The following PAH variants were observed in gnomAD, a reference collection of about 807,000 sequenced individuals.
PAH encodes phenylalanine-4-hydroxylase.
A neutral mutation model predicts 62.0 loss-of-function variants in PAH; 64 were observed. The observed-to-expected ratio is 1.03, with a 90% confidence interval of 0.84 to 1.27. PAH has a LOEUF of 1.27. PAH is among the 50% of genes most tolerant of loss of function. The pLI, the probability that PAH is intolerant of heterozygous loss-of-function variation, is 0.00. For missense variants in PAH, 579 were observed against 542.8 expected (o/e 1.07, Z -0.66); for synonymous variants, 195 against 196.2 (o/e 0.99, Z 0.05).
chr12:102,862,319 T>A (rs1388163749), intron 5 of PAH, among the ~76,000 whole-genome samples: 1 of 152,178 alleles, frequency 6.6e-6, no homozygotes, highest in Non-Finnish European at 1.5e-5. Context: ...AGACCACATG[T>A]TCTCACTTGT....
chr12:102,951,201 G>T (rs993993854), upstream of PAH, among the ~76,000 whole-genome samples: 4 of 152,308 alleles, frequency 2.6e-5, no homozygotes, highest in Middle Eastern at 3.4e-3. Context: ...CCGTCACGGG[G>T]CGGATTGCAA....
chr12:102,887,429 G>T (rs1877087827), intron 3 of PAH, among the ~76,000 whole-genome samples: 1 of 152,092 alleles, frequency 6.6e-6, no homozygotes, highest in Non-Finnish European at 1.5e-5. Context: ...CTCCGTGGCT[G>T]CTAGGTAAGC....
At chr12:102,923,386 G>A (rs1205993216) in intron 1 of PAH, among the ~76,000 whole-genome samples, 1 of 152,190 alleles carries the variant, frequency 6.6e-6, no homozygotes, top group Non-Finnish European at 1.5e-5. Context: ...ACATTGCACA[G>A]TTTGGTGAAA....
chr12:102,876,660 G>A (rs987306208), intron 4 of PAH, among the ~76,000 whole-genome samples: 6 of 152,164 alleles, frequency 3.9e-5, no homozygotes, highest in East Asian at 1.9e-4. Context: ...GCAACAGGAC[G>A]GTGGCCCTTC....
chr12:102,892,900 A>C (rs1877334642), intron 3 of PAH, among the ~76,000 whole-genome samples: 1 of 152,250 alleles, frequency 6.6e-6, no homozygotes, highest in East Asian at 1.9e-4. Flanking sequence ...AAAACCAATA[A>C]AACTGTAAAA....
intron 4 of PAH, among the ~76,000 whole-genome samples, chr12:102,872,042 A>C (rs980862734): frequency 4.0e-5 from 6 of 150,068 alleles, no homozygotes; most frequent in Non-Finnish European, 8.9e-5. Context: ...ATATGAGATC[A>C]TTGTCTCACA....
intron 2 of PAH, among the ~76,000 whole-genome samples, chr12:102,901,169 T>C (rs1235012035): frequency 6.6e-6 from 1 of 152,122 alleles, no homozygotes; most frequent in Non-Finnish European, 1.5e-5. Flanking sequence ...TGGCTTGTCT[T>C]TCTGGATCTT....
chr12:102,957,340 C>A lies in PAH; in HGVS notation c.-96+855G>T, dbSNP rs1879946343. Reference sequence around the variant, plus strand: ...TTTGTCCCTCCTGTGACGCCCCCCACCCCCTTCCTAAAGCCACCCCCGGCA... The same window carrying A: ...TTTGTCCCTCCTGTGACGCCCCCCAACCCCTTCCTAAAGCCACCCCCGGCA... On this transcript the variant is annotated intron_variant, in intron 1 of 4. Coordinates refer to the PAH transcript ENST00000551337. The surrounding 1 kb of genome is among the most constrained non-coding windows in gnomAD (Gnocchi z 4.1). Among the ~76,000 whole-genome samples, 2 of 152,142 alleles carry A rather than the reference C, an allele frequency of 1.3e-5. No homozygotes were observed. The highest frequency in any genetic ancestry group is 1.5e-5 in the Non-Finnish European group (1 of 68,028).
chr12:102,947,424 G>T (rs1879545388), intron 1 of PAH, among the ~76,000 whole-genome samples: 1 of 152,154 alleles, frequency 6.6e-6, no homozygotes, highest in South Asian at 2.1e-4. Context: ...CAGTAGCAAT[G>T]TTGGTCACAC....
At chr12:102,913,907 T>C in intron 1 of PAH, 1 of 698,092 alleles carries the variant, frequency 1.4e-6, no homozygotes, top group Non-Finnish European at 2.6e-6. Flanking sequence ...TCTATGTGTG[T>C]CCACAATAAG....
chr12:102,911,313 A>C (rs555250319), intron 2 of PAH, among the ~76,000 whole-genome samples: 1 of 152,126 alleles, frequency 6.6e-6, no homozygotes, highest in Non-Finnish European at 1.5e-5. Flanking sequence ...TGAGGAAGAG[A>C]CCCCACGTTT....
At chr12:102,854,318 C>G (rs932056520) in intron 6 of PAH, among the ~76,000 whole-genome samples, 1 of 152,186 alleles carries the variant, frequency 6.6e-6, no homozygotes, top group African/African-American at 2.4e-5. Flanking sequence ...ATTTTGTAAC[C>G]TGTAGTCTGT....
intron 1 of PAH, among the ~76,000 whole-genome samples, chr12:102,915,693 T>C (rs1878355079): frequency 6.6e-6 from 1 of 152,222 alleles, no homozygotes; most frequent in Non-Finnish European, 1.5e-5. Context: ...TTCCTTCTTA[T>C]AATGCAGTTC....
In PAH at chr12:102,852,830, A is replaced by G. The variant is rs62508722; in HGVS notation, c.827T>C (p.Met276Thr). The G allele has an allele frequency of 1.1e-5, 18 of 1,613,960 alleles. No individual in the cohort carries two copies. Among genetic ancestry groups the G allele is most frequent in the East Asian group, 6.7e-5 (3 of 44,894 alleles). Residue 276 changes from methionine (M) to threonine (T), a missense_variant, in exon 7 of 13, where the codon ATG becomes ACG. By Grantham distance (81) the Met-to-Thr change is moderately conservative (BLOSUM62 -1). Transcript: ENST00000553106. ...CAGTACTCACGGTTCGGGGGTATAC[A>G]TGGGCTTGGATCCATGTCTGATGTA... ...TQYIRHGSKPMYTPEPDICHE... is the reference protein window; with the variant it reads ...TQYIRHGSKPTYTPEPDICHE...
At chr12:102,869,708 G>A (rs1212650228) in intron 4 of PAH, among the ~76,000 whole-genome samples, 2 of 152,172 alleles carry the variant, frequency 1.3e-5, no homozygotes, top group Non-Finnish European at 2.9e-5. Flanking sequence ...AGGTTGCAGG[G>A]AGTTTTGCTT....
chr12:102,919,176 T>C (rs1878494698), upstream of PAH, among the ~76,000 whole-genome samples: 4 of 152,222 alleles, frequency 2.6e-5, no homozygotes, highest in African/African-American at 7.2e-5. Context: ...ACCAAGGCAC[T>C]GCACTGGCTC....
intron 1 of PAH, 60 bp from the exon 2 acceptor site, chr12:102,912,958 T>A: frequency 9.0e-7 from 1 of 1,111,524 alleles, no homozygotes; most frequent in East Asian, 2.4e-5. Flanking sequence ...TCATTCCTGT[T>A]AAACCTCCAT....
chr12:102,844,922 A>G lies in PAH; in HGVS notation c.970-491T>C, dbSNP rs151322061. Among the ~76,000 whole-genome samples the G allele has an allele frequency of 6.1e-3, 934 of 152,292 alleles. 4 individuals are homozygous for G. The highest frequency in any genetic ancestry group is 0.011 in the Non-Finnish European group (755 of 68,012). On this transcript the variant is annotated intron_variant, in intron 9 of 12. Transcript: ENST00000553106. Reference sequence around the variant, plus strand: ...AGGTTCTCCAGCTTGCAGGCAGCATATCGTGGGACCTCTCAGCCTTGATAA... The same window carrying G: ...AGGTTCTCCAGCTTGCAGGCAGCATGTCGTGGGACCTCTCAGCCTTGATAA...
chr12:102,855,390 G>A, intron 5 of PAH, 58 bp from the exon 6 acceptor site: 1 of 1,426,500 alleles, frequency 7.0e-7, no homozygotes, highest in Non-Finnish European at 9.9e-7. Context: ...GCAGAACGCA[G>A]GTTAGGTTAG....
Sources: allele counts gnomAD v4.1 joint callset (sites outside exome capture counted in the v4.1 genomes callset), GRCh38; gene constraint gnomAD v4.1.1; non-coding constraint Gnocchi (gnomAD v3.1); transcripts MANE v1.5; gene names NCBI Gene and HGNC (gene_info 2026-07-23, HGNC 2026-07-21).